MUC4: variants seen among roughly 807,000 people sequenced by gnomAD.
The protein encoded by MUC4 is mucin 4, cell surface associated.
MUC4 carries 202 observed loss-of-function variants against 257.9 expected under a neutral mutation model. The observed-to-expected ratio is 0.78, with a 90% confidence interval of 0.70 to 0.88. The LOEUF is 0.88. Among genes scored for constraint, MUC4 ranks in the 40% least tolerant of loss-of-function variants. The pLI, the probability that MUC4 is intolerant of heterozygous loss-of-function variation, is 0.00. For missense variants in MUC4, 5,976 were observed against 6,513.7 expected (o/e 0.92, Z 2.84); for synonymous variants, 2,351 against 2,757.1 (o/e 0.85, Z 4.62).
In MUC4 at chr3:195,766,506, T is replaced by A. The variant is rs556474948; in HGVS notation, c.13618+157A>T. Among the ~76,000 whole-genome samples the A allele has an allele frequency of 2.6e-5, 4 of 152,150 alleles. No homozygotes were observed. The South Asian group carries it at 8.3e-4, about 32-fold the overall frequency. ...CAGCTGCTCCCTGGGTGGTGCCACATCCCACCTAGACCTGTAGGAGGTTGA... is the reference window on the plus strand; with the variant it reads ...CAGCTGCTCCCTGGGTGGTGCCACAACCCACCTAGACCTGTAGGAGGTTGA... On this transcript the variant is annotated intron_variant, in intron 8 of 24. Coordinates refer to ENST00000463781, the MANE Select transcript of MUC4 (RefSeq NM_018406.7).
chr3:195,756,385 C>T lies in MUC4; in HGVS notation c.15168+762G>A, dbSNP rs117207424. Among the ~76,000 whole-genome samples, 313 of 152,330 alleles carry T rather than the reference C, an allele frequency of 2.1e-3. 11 individuals are homozygous for T. The East Asian group carries it at 0.046, about 22-fold the overall frequency. ...CACCGCAGGGCCCTCTGCTGGGCTT[C>T]GCCGCAGAGCTGTGGGGCGCTGTGA... On this transcript the variant is annotated intron_variant, in intron 18 of 24. Coordinates refer to ENST00000463781, the MANE Select transcript of MUC4 (RefSeq NM_018406.7).
intron 11 of MUC4, 68 bp from the exon 12 acceptor site, chr3:195,763,709 A>C (rs1430017267): frequency 1.4e-6 from 2 of 1,383,438 alleles, no homozygotes; most frequent in Non-Finnish European, 1.9e-6. Flanking sequence ...TCCTCACTGC[A>C]GTCAGGTGCG....
Position 195,771,748 on chromosome 3 carries a change from G to C in MUC4, c.13146C>G (p.Leu4382=). The change falls in exon 5 of 25, where the codon CTC becomes CTG. Residue 4382 remains leucine (L), a synonymous_variant. Coordinates refer to ENST00000463781, the MANE Select transcript of MUC4 (RefSeq NM_018406.7). ...GGTCCCGGCCTGTGAAGCCTGTTGG[G>C]AGTGGGTTGGGGTAGGAGAAAATCT... ...DYQIFSYPNP[L]PTGFTGRDPV... is the part of the protein sequence containing the mutation. 2 of 1,613,968 alleles carry C rather than the reference G, an allele frequency of 1.2e-6. No individual in the cohort carries two copies. The highest frequency in any genetic ancestry group is 2.2e-5 in the South Asian group (2 of 91,084).
At position 195,781,139 on chromosome 3, in the gene MUC4, C is replaced by T. The variant is rs61388923; in HGVS notation, c.10441G>A (p.Ala3481Thr). Residue 3481 changes from alanine (A) to threonine (T), a missense_variant, in exon 2 of 25, where the codon GCA becomes ACA. Physicochemically the swap from Ala to Thr is moderately conservative, Grantham distance 58. This residue lies in a region of MUC4 where 297 missense variants were observed against 240.9 expected (regional missense o/e 1.23). Transcript: ENST00000463781. Reference sequence around the variant, plus strand: ...AGAGGGGTGGTGTGACCTGTAGATGCTGAGGAAGGGCTGGTGACAGGAAGA... The same window carrying T: ...AGAGGGGTGGTGTGACCTGTAGATGTTGAGGAAGGGCTGGTGACAGGAAGA... ...TPLPVTSPSSASTGHTTPLHV... is the reference protein window; with the variant it reads ...TPLPVTSPSSTSTGHTTPLHV... 9 of 1,359,688 alleles carry T rather than the reference C, an allele frequency of 6.6e-6. No homozygotes were observed. In the East Asian group the frequency reaches 2.6e-4, roughly 39 times the overall value. 84.2% of individuals were successfully genotyped at this position (1,359,688 alleles called of 1,614,324 possible). A position where few individuals can be genotyped will look rare whatever the true frequency, so the allele number is the denominator to read the frequency against.
At position 195,780,351 on chromosome 3, in the gene MUC4, G is replaced by A; in HGVS notation, c.11229C>T (p.Thr3743=). ...AGGAAGTGCTGGTGACAGGAAGAGG[G>A]GTGACGTGACCTGTGGATGCTGAGG... The part of the protein sequence containing the change: ...SPSSASTGHV[T]PLPVTSTSSA... Residue 3743 remains threonine (T), a synonymous_variant, in exon 2 of 25, where the codon ACC becomes ACT. Coordinates refer to ENST00000463781, the MANE Select transcript of MUC4 (RefSeq NM_018406.7). The A allele has an allele frequency of 1.4e-6, 2 of 1,414,146 alleles. No individual in the cohort carries two copies. The highest frequency in any genetic ancestry group is 1.3e-5 in the South Asian group (1 of 79,938). 87.6% of individuals were successfully genotyped at this position (1,414,146 alleles called of 1,614,324 possible).
Position 195,789,429 on chromosome 3 carries a change from G to A in MUC4, c.2151C>T (p.Pro717=), listed in dbSNP as rs756323596. 1.9e-6 allele frequency: 3 copies of A among 1,613,964 alleles called. No homozygotes were observed. The highest frequency in any genetic ancestry group is 1.7e-6 in the Non-Finnish European group (2 of 1,179,868). ...QAPTTALQAA[P]SSHDATLGPS... The stretch of plus-strand genomic sequence containing the variant: ...GCCCCAGGGTGGCATCATGGCTGCT[G>A]GGTGCTGCCTGCAGTGCTGTGGTCG... The change falls in exon 2 of 25, where the codon CCC becomes CCT. Residue 717 remains proline, a synonymous_variant. Coordinates refer to ENST00000463781, the MANE Select transcript of MUC4 (RefSeq NM_018406.7).
Position 195,788,867 on chromosome 3 carries a change from A to C in MUC4, c.2713T>G (p.Ser905Ala). 6.2e-7 allele frequency: 1 copy of C among 1,613,806 alleles called. No homozygotes were observed. Residue 905 changes from serine to alanine, a missense_variant, in exon 2 of 25, where the codon TCC (serine) becomes GCC (alanine). This residue lies in a region of MUC4 where 1,583 missense variants were observed against 1,257.4 expected (regional missense o/e 1.26). Coordinates refer to ENST00000463781, the MANE Select transcript of MUC4 (RefSeq NM_018406.7). Reference protein sequence around the residue: ...SASPQETAAISRMAQTQRTRT... With the variant: ...SASPQETAAIARMAQTQRTRT... ...GTCCTCTGAGTCTGGGCCATCCGGG[A>C]AATGGCGGCTGTCTCCTGAGGAGAG...
At position 195,789,701 on chromosome 3, in the gene MUC4, A is replaced by G; in HGVS notation, c.1879T>C (p.Ser627Pro). Reference sequence around the variant, plus strand: ...GAAACAGCTGGTGATTCCTGAGGAGAGGTGCTTGTGGAATGTATTGTTGAA... The same window carrying G: ...GAAACAGCTGGTGATTCCTGAGGAGGGGTGCTTGTGGAATGTATTGTTGAA... ...NHSTIHSTST[S>P]PQESPAVSQR... Residue 627 changes from serine to proline, a missense_variant, in exon 2 of 25, where the codon TCT becomes CCT. Around this residue, in one of 44 missense-constraint regions of MUC4, gnomAD observed 1,583 missense variants for 1,257.4 expected, o/e 1.26. Coordinates refer to ENST00000463781, the MANE Select transcript of MUC4 (RefSeq NM_018406.7). 1 of 1,613,554 alleles carries G rather than the reference A, an allele frequency of 6.2e-7. No individual in the cohort carries two copies. The highest frequency in any genetic ancestry group is 8.5e-7 in the Non-Finnish European group (1 of 1,179,788).
chr3:195,802,584 C>G (rs902113732), intron 1 of MUC4, among the ~76,000 whole-genome samples: 3 of 151,990 alleles, frequency 2.0e-5, no homozygotes, highest in African/African-American at 7.3e-5. Flanking sequence ...GCGTAGGTCC[C>G]GGGGGCGTGG....
At chr3:195,791,590 C>T (rs1351138459) in intron 1 of MUC4, 93 bp from the exon 2 acceptor site, 3 of 793,102 alleles carry the variant, frequency 3.8e-6, no homozygotes, top group Non-Finnish European at 6.2e-6. Flanking sequence ...CCTAGGAATA[C>T]AGCTAACAAA....
At chr3:195,754,752 A>G (rs903077901) in intron 18 of MUC4, among the ~76,000 whole-genome samples, 3 of 152,244 alleles carry the variant, frequency 2.0e-5, no homozygotes, top group Non-Finnish European at 4.4e-5. Context: ...AGATGTATGT[A>G]TCCATGTATG....
In MUC4 at chr3:195,780,044, G is replaced by A. The variant is rs200614024; in HGVS notation, c.11536C>T (p.Pro3846Ser). The A allele has an allele frequency of 4.3e-5, 29 of 678,940 alleles. 9 individuals carry two copies. The highest frequency in any genetic ancestry group is 1.1e-3 in the Middle Eastern group (2 of 1,850). 42.1% of individuals were successfully genotyped at this position (678,940 alleles called of 1,614,324 possible). A position where few individuals can be genotyped will look rare whatever the true frequency, so the allele number is the denominator to read the frequency against. ...GHATPLPVTI[P>S]SSVSTGDTMP... ...GTGTCACCTGTGGATACTGAGGAAGGGATGGTGACAGGAAGAGGGGTGGCG... is the reference window on the plus strand; with the variant it reads ...GTGTCACCTGTGGATACTGAGGAAGAGATGGTGACAGGAAGAGGGGTGGCG... Residue 3846 changes from proline to serine, a missense_variant, in exon 2 of 25, where the codon CCT becomes TCT. Transcript: ENST00000463781.
At chr3:195,768,761 A>C (rs1328229923) in intron 7 of MUC4, among the ~76,000 whole-genome samples, 3 of 152,204 alleles carry the variant, frequency 2.0e-5, no homozygotes, top group Non-Finnish European at 4.4e-5. Context: ...ATGTCAGTGG[A>C]AATCAGGGAA....
At chr3:195,778,694 G>C in intron 2 of MUC4, 96 bp downstream of exon 2, 2 of 1,396,522 alleles carry the variant, frequency 1.4e-6, no homozygotes, top group African/African-American at 1.4e-5. Context: ...GCCCCACCAG[G>C]TAATGCGAAT....
At chr3:195,778,667 C>T in intron 2 of MUC4, 123 bp downstream of exon 2, 2 of 1,305,530 alleles carry the variant, frequency 1.5e-6, no homozygotes, top group Non-Finnish European at 2.1e-6. Flanking sequence ...ACCTCCTCCC[C>T]TGTGGGACCT....
chr3:195,764,580 G>T (rs1253127598), intron 10 of MUC4, among the ~76,000 whole-genome samples: 1 of 152,050 alleles, frequency 6.6e-6, no homozygotes, highest in African/African-American at 2.4e-5. Context: ...TGTGGAAACT[G>T]CCATGGGACG....
chr3:195,779,488 G>A lies in MUC4; in HGVS notation c.12092C>T (p.Thr4031Ile), dbSNP rs753024045. The A allele has an allele frequency of 4.5e-5, 57 of 1,270,620 alleles. 17 individuals are homozygous for A. In the South Asian group the frequency reaches 6.1e-4, roughly 14 times the overall value. 78.7% of individuals were successfully genotyped at this position (1,270,620 alleles called of 1,614,324 possible). A position where few individuals can be genotyped will look rare whatever the true frequency, so the allele number is the denominator to read the frequency against. The change falls in exon 2 of 25, where the codon ACC (threonine) becomes ATC (isoleucine). Residue 4031 changes from threonine (T) to isoleucine (I), a missense_variant. By Grantham distance (89) the Thr-to-Ile change is moderately conservative (BLOSUM62 -1). Coordinates refer to ENST00000463781, the MANE Select transcript of MUC4 (RefSeq NM_018406.7). ...GGAAGTGCTGGTGACAGGAACAGGG[G>A]TGGCGTGACCTGTGGATGCTGAGGA... ...SPSSASTGHA[T>I]PVPVTSTSSA...
intron 2 of MUC4, 121 bp downstream of exon 2, chr3:195,778,669 G>C (rs1273035123): frequency 1.2e-5 from 16 of 1,319,176 alleles, no homozygotes; most frequent in Non-Finnish European, 1.7e-5. Context: ...CTCCTCCCCT[G>C]TGGGACCTGA....
Position 195,779,174 on chromosome 3 carries a change from A to G in MUC4, c.12406T>C (p.Ser4136Pro). 2.8e-6 allele frequency: 4 copies of G among 1,405,850 alleles called. No homozygotes were observed. Among genetic ancestry groups the G allele is most frequent in the Non-Finnish European group, 3.8e-6 (4 of 1,047,176 alleles). The allele number at this position is 1,405,850 out of a possible 1,614,324, so 87.1% of individuals were successfully genotyped here. ...ATPLPVTSLS[S>P]VSTGDTTPLP... ...GGCGTGGTGTCACCTGTGGATACTG[A>G]GGAAAGGCTGGTGACAGGAAGAGGG... is the stretch of plus-strand genomic sequence containing the variant. The change falls in exon 2 of 25, where the codon TCA becomes CCA. Residue 4136 changes from serine to proline, a missense_variant. Physicochemically the swap from Ser to Pro is moderately conservative, Grantham distance 74. This residue lies in a region of MUC4 where 293 missense variants were observed against 294.5 expected (regional missense o/e 1.00). Coordinates refer to ENST00000463781, the MANE Select transcript of MUC4 (RefSeq NM_018406.7).
Sources: allele counts gnomAD v4.1 joint callset (sites outside exome capture counted in the v4.1 genomes callset), GRCh38; gene constraint gnomAD v4.1.1; regional missense constraint gnomAD v4.1.1; transcripts MANE v1.5; gene names NCBI Gene and HGNC (gene_info 2026-07-23, HGNC 2026-07-21).